Variants in RCSD1 observed in about 807,000 individuals in gnomAD.
RCSD1 encodes the protein capZ-interacting protein.
In RCSD1, 26 loss-of-function variants were observed where a neutral mutation model predicts 42.5. The observed-to-expected ratio is 0.61, with a 90% CI of 0.45 to 0.85. RCSD1 has a LOEUF of 0.85. RCSD1 is among the 40% of genes least tolerant of loss of function. The pLI is 0.00. For missense variants in RCSD1, 571 were observed against 528.3 expected (o/e 1.08, Z -0.79); for synonymous variants, 220 against 212.2 (o/e 1.04, Z -0.32).
intron 1 of RCSD1, among the ~76,000 whole-genome samples, chr1:167,669,856 T>C (rs975517975): frequency 6.6e-6 from 1 of 152,162 alleles, no homozygotes; most frequent in Non-Finnish European, 1.5e-5. Flanking sequence ...GGAGACGCTG[T>C]AACAGGAGAG....
intron 3 of RCSD1, 104 bp from the exon 4 acceptor site, chr1:167,689,945 A>G: frequency 9.1e-7 from 1 of 1,097,408 alleles, no homozygotes. Flanking sequence ...GAAAGTGGCA[A>G]CACCAACTTC....
chr1:167,651,837 C>T lies in RCSD1; in HGVS notation c.6+21408C>T, dbSNP rs191738920. On this transcript the variant is annotated intron_variant, in intron 1 of 6. Coordinates refer to ENST00000367854, the MANE Select transcript of RCSD1 (RefSeq NM_052862.4). ...ATGAGCCTCTGATAGGCCTTCTCCCCGCTGTTCTTGAGGGGGGCTGCGTTC... is the reference window on the plus strand; with the variant it reads ...ATGAGCCTCTGATAGGCCTTCTCCCTGCTGTTCTTGAGGGGGGCTGCGTTC... Among the ~76,000 whole-genome samples, 17 of 152,162 alleles carry T rather than the reference C, an allele frequency of 1.1e-4. No homozygotes were observed. The East Asian group carries it at 1.5e-3, about 14-fold the overall frequency.
chr1:167,645,986 A>G (rs1658130867), intron 1 of RCSD1, among the ~76,000 whole-genome samples: 1 of 152,186 alleles, frequency 6.6e-6, no homozygotes, highest in Non-Finnish European at 1.5e-5. Flanking sequence ...TTGAGAGGCC[A>G]AGGCACCGGT....
At chr1:167,696,455 CTTT>C (rs113725864) in intron 5 of RCSD1, among the ~76,000 whole-genome samples, 5 of 140,768 alleles carry the variant, frequency 3.6e-5, no homozygotes, top group Non-Finnish European at 1.6e-5. Context: ...TAGACAATTT[CTTT>C]TTTTTTTTTT....
chr1:167,705,889 C>T lies in RCSD1; in HGVS notation c.*1193C>T, dbSNP rs1659746953. On this transcript the variant is annotated 3_prime_UTR_variant, in exon 7 of 7. Transcript: ENST00000367854. ...TACACTCCTGCTGAAAAATGTTAAT[C>T]CAAATACACATTTAAACTTAGGGTC... 6.6e-6 allele frequency: 1 copy of T among 152,192 alleles called. No homozygotes were observed. Among genetic ancestry groups the T allele is most frequent in the African/African-American group, 2.4e-5 (1 of 41,448 alleles). 9.4% of individuals were successfully genotyped at this position (152,192 alleles called of 1,614,324 possible).
At chr1:167,701,459 C>A (rs192469465) in intron 6 of RCSD1, among the ~76,000 whole-genome samples, 446 of 152,124 alleles carry the variant, frequency 2.9e-3, no homozygotes, top group Admixed American at 4.0e-3. Context: ...GCCCGCACCA[C>A]CATGCCAGGC....
At chr1:167,633,025 A>G (rs79759722) in intron 1 of RCSD1, among the ~76,000 whole-genome samples, 7,729 of 152,258 alleles carry the variant, frequency 0.051, 673 homozygotes, top group African/African-American at 0.18. Flanking sequence ...AAAGAAATTA[A>G]GTTATATTAC....
chr1:167,688,239 A>G (rs1659285609), intron 3 of RCSD1, among the ~76,000 whole-genome samples: 1 of 152,164 alleles, frequency 6.6e-6, no homozygotes, highest in Non-Finnish European at 1.5e-5. Context: ...GGTCCACTGA[A>G]TTTCCACAGA....
At chr1:167,654,696 G>A (rs1243374503) in intron 1 of RCSD1, among the ~76,000 whole-genome samples, 1 of 152,164 alleles carries the variant, frequency 6.6e-6, no homozygotes, top group African/African-American at 2.4e-5. Context: ...AAGGTTATGT[G>A]GGCAGGAGAG....
In RCSD1 at chr1:167,697,201, T is replaced by C; in HGVS notation, c.577T>C (p.Ser193Pro). The C allele has an allele frequency of 6.2e-7, 1 of 1,614,154 alleles. No individual in the cohort carries two copies. The highest frequency in any genetic ancestry group is 8.5e-7 in the Non-Finnish European group (1 of 1,180,026). ...ELGDFRAVES[S>P]QQNGAKEEDG... is the part of the protein sequence containing the mutation. Reference sequence around the variant, plus strand: ...TGGAGATTTCAGGGCGGTGGAGTCATCTCAGCAGAACGGTGCTAAGGAAGA... The same window carrying C: ...TGGAGATTTCAGGGCGGTGGAGTCACCTCAGCAGAACGGTGCTAAGGAAGA... Residue 193 changes from serine (S) to proline (P), a missense_variant, in exon 6 of 7, where the codon TCT becomes CCT. Coordinates refer to ENST00000367854, the MANE Select transcript of RCSD1 (RefSeq NM_052862.4).
Position 167,664,835 on chromosome 1 carries a change from T to G in RCSD1, c.7-19065T>G, listed in dbSNP as rs189237395. The G allele has an allele frequency of 4.6e-5, 7 of 151,100 alleles. No individual in the cohort carries two copies. In the East Asian group the frequency reaches 1.2e-3, roughly 25 times the overall value. 9.4% of individuals were successfully genotyped at this position (151,100 alleles called of 1,614,324 possible). On this transcript the variant is annotated intron_variant, in intron 1 of 6. Transcript: ENST00000367854. ...CGGGTGGATCAACTGAGGTCAAGAG[T>G]TCAAGACCAGCCGGACCAACCTGGA...
At chr1:167,671,844 A>G (rs556398294) in intron 1 of RCSD1, among the ~76,000 whole-genome samples, 3 of 152,316 alleles carry the variant, frequency 2.0e-5, no homozygotes, top group Admixed American at 1.3e-4. Context: ...TCTTGCACGC[A>G]TGCTTACATG....
chr1:167,653,983 G>A (rs183532684), intron 1 of RCSD1, among the ~76,000 whole-genome samples: 184 of 152,334 alleles, frequency 1.2e-3, no homozygotes, highest in African/African-American at 4.3e-3. Context: ...CAGCTCTGCT[G>A]CAGCTTTGTC....
At chr1:167,652,685 C>T (rs1658340095) in intron 1 of RCSD1, among the ~76,000 whole-genome samples, 1 of 152,186 alleles carries the variant, frequency 6.6e-6, no homozygotes, top group Admixed American at 6.5e-5. Context: ...TGTTATGTGA[C>T]TCATCGCAGG....
intron 2 of RCSD1, among the ~76,000 whole-genome samples, chr1:167,685,198 G>A (rs1659196941): frequency 6.6e-6 from 1 of 152,172 alleles, no homozygotes; most frequent in Non-Finnish European, 1.5e-5. Context: ...AAGTCAAAAT[G>A]GGTAGATGGT....
intron 1 of RCSD1, among the ~76,000 whole-genome samples, chr1:167,659,163 C>A (rs78327305): frequency 0.016 from 2,448 of 152,210 alleles, 75 homozygotes; most frequent in African/African-American, 0.052. Context: ...CAAGTACTAT[C>A]GTAAGTTTGA....
At chr1:167,657,964 G>A (rs1658459287) in intron 1 of RCSD1, among the ~76,000 whole-genome samples, 1 of 151,732 alleles carries the variant, frequency 6.6e-6, no homozygotes, top group Admixed American at 6.6e-5. Context: ...GTCTCACTCT[G>A]TCACCCAGGC....
intron 6 of RCSD1, among the ~76,000 whole-genome samples, chr1:167,704,442 A>C (rs1659711312): frequency 6.6e-6 from 1 of 152,206 alleles, no homozygotes; most frequent in Non-Finnish European, 1.5e-5. Flanking sequence ...CACCTATGAT[A>C]GAGTTAATAA....
At chr1:167,681,260 T>C (rs114697937) in intron 1 of RCSD1, among the ~76,000 whole-genome samples, 3,650 of 152,344 alleles carry the variant, frequency 0.024, 159 homozygotes, top group African/African-American at 0.084. Context: ...ACAGATTACC[T>C]TGTTTGGCCT....
Sources: allele counts gnomAD v4.1 joint callset (sites outside exome capture counted in the v4.1 genomes callset), GRCh38; gene constraint gnomAD v4.1.1; transcripts MANE v1.5; gene names NCBI Gene and HGNC (gene_info 2026-07-23, HGNC 2026-07-21).